Variants in VPS53 observed in about 807,000 individuals in gnomAD.
VPS53 encodes the protein vacuolar protein sorting-associated protein 53 homolog.
Under a neutral mutation model 107.0 loss-of-function variants are expected in VPS53, and 70 were observed. The ratio of observed to expected loss-of-function variants is 0.65; its 90% CI spans 0.54 to 0.80. The LOEUF is 0.80. Ranked by LOEUF, VPS53 falls within the 30% of genes least tolerant of loss-of-function variation. The pLI is 0.00. For synonymous variants in VPS53, 409 were observed against 393.3 expected, an observed-to-expected ratio of 1.04 and a Z score of -0.47; for missense variants, 917 against 1,049.4, an observed-to-expected ratio of 0.87 and a Z score of 1.74.
intron 15 of VPS53, among the ~76,000 whole-genome samples, chr17:558,494 C>T (rs1362016277): frequency 3.9e-5 from 6 of 151,902 alleles, no homozygotes; most frequent in African/African-American, 7.3e-5. Flanking sequence ...ATTAGCCAGG[C>T]GTGGTGATGG....
chr17:632,584 T>C (rs1018724759), intron 7 of VPS53, among the ~76,000 whole-genome samples: 4 of 152,164 alleles, frequency 2.6e-5, no homozygotes, highest in African/African-American at 4.8e-5. Context: ...AGTCACCCTA[T>C]TGTTCTACCA....
intron 4 of VPS53, among the ~76,000 whole-genome samples, chr17:689,080 T>C (rs975726984): frequency 6.6e-6 from 1 of 152,216 alleles, no homozygotes; most frequent in African/African-American, 2.4e-5. Context: ...GCCATTTTTT[T>C]CCAAACTATT....
At chr17:564,120 G>A (rs1020140740) in intron 13 of VPS53, among the ~76,000 whole-genome samples, 1 of 151,934 alleles carries the variant, frequency 6.6e-6, no homozygotes, top group Non-Finnish European at 1.5e-5. Flanking sequence ...TGTGGGCCGG[G>A]TGCGGTGGCT....
intron 7 of VPS53, among the ~76,000 whole-genome samples, chr17:647,748 G>A (rs1410030261): frequency 1.3e-5 from 2 of 152,128 alleles, no homozygotes; most frequent in African/African-American, 4.8e-5. Context: ...CTGAGCACAC[G>A]TTGCAACCTC....
intron 13 of VPS53, among the ~76,000 whole-genome samples, chr17:570,871 C>T (rs920584248): frequency 3.9e-5 from 6 of 152,084 alleles, no homozygotes; most frequent in African/African-American, 1.2e-4. Flanking sequence ...TGTGAGGGGT[C>T]TGGGATTAAG....
intron 19 of VPS53, among the ~76,000 whole-genome samples, chr17:529,180 C>G (rs1338125067): frequency 6.6e-6 from 1 of 152,180 alleles, no homozygotes; most frequent in East Asian, 1.9e-4. Flanking sequence ...AATCAAGTAT[C>G]TACACATGTG....
intron 7 of VPS53, among the ~76,000 whole-genome samples, chr17:650,360 GGTGGT>G: frequency 6.6e-6 from 1 of 151,994 alleles, no homozygotes; most frequent in Non-Finnish European, 1.5e-5. Context: ...AGCCAGGCAT[GGTGGT>G]ATTTGCCTGT....
chr17:642,076 T>C (rs1180248448), intron 7 of VPS53, among the ~76,000 whole-genome samples: 4 of 152,236 alleles, frequency 2.6e-5, no homozygotes, highest in African/African-American at 9.6e-5. Context: ...AAAGTAGCCC[T>C]GAGACTTTTG....
intron 11 of VPS53, among the ~76,000 whole-genome samples, chr17:607,773 A>G (rs1968653654): frequency 6.6e-6 from 1 of 152,210 alleles, no homozygotes; most frequent in South Asian, 2.1e-4. Flanking sequence ...AAAATTCTTC[A>G]TATAGCAAGT....
At chr17:594,529 G>T (rs1423989322) in intron 12 of VPS53, among the ~76,000 whole-genome samples, 7 of 150,426 alleles carry the variant, frequency 4.7e-5, no homozygotes, top group Admixed American at 1.3e-4. Context: ...GCACTCTAGT[G>T]TCCCCCCTGG....
At position 677,963 on chromosome 17, in the gene VPS53, C is replaced by CA. The variant is rs35574292; in HGVS notation, c.286-16069dup. Reference sequence around the variant, plus strand: ...CAAAACCCGGATTCCACGAGAAATACAAAAAAAATTAGCCAGGCGTGGTGG... The same window carrying CA: ...CAAAACCCGGATTCCACGAGAAATACAAAAAAAAATTAGCCAGGCGTGGTGG... On this transcript the variant is annotated intron_variant, in intron 4 of 21. Coordinates refer to ENST00000437048, the MANE Select transcript of VPS53 (RefSeq NM_001128159.3). Among the ~76,000 whole-genome samples the CA allele has an allele frequency of 9.9e-3, 1,507 of 151,500 alleles. 24 individuals are homozygous for CA. Among genetic ancestry groups the CA allele is most frequent in the African/African-American group, 0.034 (1,404 of 41,292 alleles).
chr17:579,525 G>A (rs1290013709), intron 13 of VPS53, among the ~76,000 whole-genome samples: 2 of 147,024 alleles, frequency 1.4e-5, no homozygotes, highest in Non-Finnish European at 3.0e-5. Flanking sequence ...CAATCTCAGT[G>A]CATTCCCAGA....
intron 8 of VPS53, among the ~76,000 whole-genome samples, chr17:629,805 AAAAC>A (rs1373850614): frequency 6.2e-5 from 5 of 81,270 alleles, no homozygotes; most frequent in South Asian, 5.1e-4. Flanking sequence ...AAACAAAAAA[AAAAC>A]CACACACACA....
chr17:687,574 CAAAAAAAA>C (rs1051720595), intron 4 of VPS53, among the ~76,000 whole-genome samples: 1 of 89,468 alleles, frequency 1.1e-5, no homozygotes, highest in African/African-American at 4.1e-5. Flanking sequence ...GACTCAGTCT[CAAAAAAAA>C]AAAAAAAAAG....
At chr17:609,857 C>T (rs1222022834) in intron 11 of VPS53, among the ~76,000 whole-genome samples, 5 of 152,124 alleles carry the variant, frequency 3.3e-5, no homozygotes, top group Admixed American at 1.3e-4. Context: ...AGGCCGGGTG[C>T]GGTGGCTCAC....
intron 2 of VPS53, among the ~76,000 whole-genome samples, chr17:706,444 G>A (rs1266911863): frequency 6.6e-6 from 1 of 151,714 alleles, no homozygotes; most frequent in Non-Finnish European, 1.5e-5. Flanking sequence ...GGCTGAGGCG[G>A]GAGAATCGCT....
At chr17:648,047 C>T (rs956659140) in intron 7 of VPS53, among the ~76,000 whole-genome samples, 1 of 152,142 alleles carries the variant, frequency 6.6e-6, no homozygotes, top group African/African-American at 2.4e-5. Flanking sequence ...GCCAGAGGGG[C>T]GGCCAACACC....
intron 11 of VPS53, among the ~76,000 whole-genome samples, chr17:610,075 G>A (rs1366820110): frequency 6.6e-6 from 1 of 151,648 alleles, no homozygotes; most frequent in Admixed American, 6.6e-5. Context: ...AGCTTGCAGT[G>A]AGCCGAGATC....
chr17:713,880 CA>C (rs59315713), intron 1 of VPS53, among the ~76,000 whole-genome samples: 28,593 of 138,210 alleles, frequency 0.21, 2,926 homozygotes, highest in African/African-American at 0.29. Context: ...GTCTTTACCC[CA>C]AAAAAAAAAA....
Sources: allele counts gnomAD v4.1 joint callset (sites outside exome capture counted in the v4.1 genomes callset), GRCh38; gene constraint gnomAD v4.1.1; transcripts MANE v1.5; gene names NCBI Gene and HGNC (gene_info 2026-07-23, HGNC 2026-07-21).